NWD2: variants seen among roughly 807,000 people sequenced by gnomAD.
The protein encoded by NWD2 is NACHT and WD repeat domain containing 2, also known as NACHT and WD repeat domain-containing protein 2.
A neutral mutation model predicts 132.7 loss-of-function variants in NWD2; 37 were observed. The observed-to-expected ratio is 0.28, with a 90% CI of 0.21 to 0.37. The LOEUF (loss-of-function observed/expected upper bound fraction) is 0.37. Among genes scored for constraint, NWD2 ranks in the 10% least tolerant of loss-of-function variants. NWD2 has a pLI of 1.00. For synonymous variants in NWD2, 705 were observed against 803.0 expected, an observed-to-expected ratio of 0.88 and a Z score of 2.06; for missense variants, 1,592 against 2,122.4, an observed-to-expected ratio of 0.75 and a Z score of 4.91.
intron 1 of NWD2, among the ~76,000 whole-genome samples, chr4:37,324,556 A>G (rs367965520): frequency 1.3e-5 from 2 of 152,140 alleles, no homozygotes; most frequent in East Asian, 3.8e-4. Context: ...GTGAAAGCTT[A>G]ATATAACTGC....
At chr4:37,378,461 A>G (rs1720391439) in intron 3 of NWD2, among the ~76,000 whole-genome samples, 1 of 152,254 alleles carries the variant, frequency 6.6e-6, no homozygotes, top group Non-Finnish European at 1.5e-5. Flanking sequence ...GTGGACCACA[A>G]TTCCAAGAAC....
At chr4:37,271,220 C>G (rs1269485127) in intron 1 of NWD2, among the ~76,000 whole-genome samples, 2 of 151,736 alleles carry the variant, frequency 1.3e-5, no homozygotes, top group African/African-American at 4.8e-5. Flanking sequence ...TTCTGGCTAT[C>G]CAAGATCTTC....
At chr4:37,305,387 T>C (rs1005995831) in intron 1 of NWD2, among the ~76,000 whole-genome samples, 7 of 152,238 alleles carry the variant, frequency 4.6e-5, no homozygotes, top group Non-Finnish European at 7.3e-5. Flanking sequence ...CAGCCTTGAA[T>C]TCCTCTCCAG....
chr4:37,417,820 A>G (rs780522831), intron 3 of NWD2, among the ~76,000 whole-genome samples: 4 of 152,214 alleles, frequency 2.6e-5, no homozygotes, highest in Non-Finnish European at 5.9e-5. Flanking sequence ...AGAATGATCC[A>G]TGGTAATGAG....
At chr4:37,426,950 T>C (rs2109324791) in intron 3 of NWD2, among the ~76,000 whole-genome samples, 3 of 152,244 alleles carry the variant, frequency 2.0e-5, no homozygotes, top group Admixed American at 2.0e-4. Flanking sequence ...GATGGTGCTG[T>C]CCAGGGACAA....
chr4:37,398,014 C>T (rs776981705), intron 3 of NWD2, among the ~76,000 whole-genome samples: 7 of 152,146 alleles, frequency 4.6e-5, no homozygotes, highest in East Asian at 1.9e-4. Context: ...CATTTAACTC[C>T]GCAACTGAGT....
At chr4:37,277,065 C>G (rs1216307104) in intron 1 of NWD2, among the ~76,000 whole-genome samples, 1 of 151,604 alleles carries the variant, frequency 6.6e-6, no homozygotes, top group African/African-American at 2.4e-5. Flanking sequence ...AGCACACCAA[C>G]ATGGCACATG....
intron 1 of NWD2, among the ~76,000 whole-genome samples, chr4:37,303,093 C>T (rs1267262684): frequency 6.6e-6 from 1 of 152,040 alleles, no homozygotes; most frequent in Non-Finnish European, 1.5e-5. Context: ...TCAGGTCTTA[C>T]ATTTTAATCT....
At chr4:37,374,926 GAT>G (rs1322878090) in intron 3 of NWD2, among the ~76,000 whole-genome samples, 18 of 152,186 alleles carry the variant, frequency 1.2e-4, no homozygotes, top group Admixed American at 6.5e-5. Context: ...GCTTTTCTGA[GAT>G]ATGTTAATTA....
At chr4:37,324,250 T>G (rs987570572) in intron 1 of NWD2, among the ~76,000 whole-genome samples, 2 of 152,170 alleles carry the variant, frequency 1.3e-5, no homozygotes, top group African/African-American at 4.8e-5. Flanking sequence ...AGTTAACATG[T>G]TTTTAAGAAA....
chr4:37,426,754 G>T (rs1259017332), intron 3 of NWD2, among the ~76,000 whole-genome samples: 1 of 152,090 alleles, frequency 6.6e-6, no homozygotes, highest in Non-Finnish European at 1.5e-5. Flanking sequence ...ATCTGAGAAT[G>T]GACCTAGCAA....
chr4:37,388,556 C>CTATTGTGGAAAATATATATTTTTA (rs1720615324), intron 3 of NWD2, among the ~76,000 whole-genome samples: 3 of 149,760 alleles, frequency 2.0e-5, no homozygotes, highest in African/African-American at 7.3e-5. Flanking sequence ...AGTTTTACTT[C>CTATTGTGGAAAATATATATTTTTA]TATTGTGGAA....
At chr4:37,252,670 G>C (rs1441707642) in intron 1 of NWD2, among the ~76,000 whole-genome samples, 1 of 152,142 alleles carries the variant, frequency 6.6e-6, no homozygotes, top group Admixed American at 6.6e-5. Context: ...GTCCCAGCAG[G>C]CTTCATTTAC....
In NWD2 at chr4:37,394,799, G is replaced by GTTTTTTTTTTTTTTTTTT. The variant is rs1175840735; in HGVS notation, c.358-35761_358-35744dup. The stretch of plus-strand genomic sequence containing the variant: ...TTTTCCTCTATAGTGAACCTTTATG[G>GTTTTTTTTTTTTTTTTTT]TTTTTTTTTTTTTTTTTTTTTTTTT... On this transcript the variant is annotated intron_variant, in intron 3 of 6. Transcript: ENST00000309447. 2.7e-4 allele frequency among the ~76,000 whole-genome samples: 14 copies of GTTTTTTTTTTTTTTTTTT among 52,598 alleles called. 5 individuals carry two copies. Among genetic ancestry groups the GTTTTTTTTTTTTTTTTTT allele is most frequent in the East Asian group, 1.3e-3 (2 of 1,490 alleles). The allele number at this position is 52,598 out of a possible 152,430, so 34.5% of individuals were successfully genotyped here. A position where few individuals can be genotyped will look rare whatever the true frequency, so the allele number is the denominator to read the frequency against.
intron 1 of NWD2, among the ~76,000 whole-genome samples, chr4:37,305,075 G>A (rs754411687): frequency 2.6e-5 from 4 of 152,186 alleles, no homozygotes; most frequent in East Asian, 1.9e-4. Flanking sequence ...CTGGGCACTC[G>A]CAGGCTCAAC....
chr4:37,427,882 T>C (rs1712051920), intron 3 of NWD2, among the ~76,000 whole-genome samples: 2 of 152,292 alleles, frequency 1.3e-5, no homozygotes, highest in South Asian at 2.1e-4. Context: ...TATAGCTGAA[T>C]TGAGTATTGC....
intron 1 of NWD2, among the ~76,000 whole-genome samples, chr4:37,284,427 G>C (rs1258416687): frequency 6.6e-6 from 1 of 152,134 alleles, no homozygotes; most frequent in Admixed American, 6.5e-5. Flanking sequence ...TCAGACCATA[G>C]AGCTATCCCA....
At chr4:37,383,819 C>A (rs886729986) in intron 3 of NWD2, among the ~76,000 whole-genome samples, 6 of 152,116 alleles carry the variant, frequency 3.9e-5, no homozygotes, top group African/African-American at 1.4e-4. Flanking sequence ...TTTTTGCGCC[C>A]TCTAGAGGAG....
chr4:37,431,672 G>C (rs1267265929), intron 4 of NWD2, among the ~76,000 whole-genome samples: 3 of 152,146 alleles, frequency 2.0e-5, no homozygotes. Flanking sequence ...GGATTTGTTA[G>C]TTAGCTTGAT....
Sources: gnomAD v4.1 joint callset for allele counts (sites outside exome capture counted in the v4.1 genomes callset) on GRCh38, gnomAD v4.1.1 for gene constraint, MANE v1.5 for transcripts, NCBI Gene and HGNC (gene_info 2026-07-23, HGNC 2026-07-21) for gene names.